The following CADM2 variants were observed in gnomAD, a reference collection of about 807,000 sequenced individuals.
CADM2 encodes the protein cell adhesion molecule 2, also known as immunoglobulin superfamily member 4D.
Under a neutral mutation model 49.8 loss-of-function variants are expected in CADM2, and 12 were observed. The observed-to-expected ratio is 0.24, with a 90% CI of 0.15 to 0.39. The LOEUF (loss-of-function observed/expected upper bound fraction) is 0.39, where lower values mean the gene tolerates loss of function less well. Ranked by LOEUF, CADM2 falls within the 10% of genes least tolerant of loss-of-function variation. The pLI is 1.00. For synonymous variants in CADM2, 214 were observed against 175.4 expected (o/e 1.22, Z -1.74); for missense variants, 378 against 492.3 (o/e 0.77, Z 2.20).
intron 1 of CADM2, among the ~76,000 whole-genome samples, chr3:85,264,910 G>C (rs1057142235): frequency 6.6e-6 from 1 of 152,014 alleles, no homozygotes; most frequent in Non-Finnish European, 1.5e-5. Flanking sequence ...GCCAATACCA[G>C]TTGTTTCTAG....
At chr3:85,469,600 C>A (rs950791359) in intron 1 of CADM2, among the ~76,000 whole-genome samples, 2 of 152,088 alleles carry the variant, frequency 1.3e-5, no homozygotes, top group African/African-American at 4.8e-5. Context: ...GGGAGAAATA[C>A]AATTTAAGTT....
intron 1 of CADM2, among the ~76,000 whole-genome samples, chr3:85,280,573 C>T (rs745829365): frequency 3.3e-5 from 5 of 151,626 alleles, no homozygotes; most frequent in Non-Finnish European, 5.9e-5. Context: ...TTTCCTGGAT[C>T]CGGTTATCCA....
intron 1 of CADM2, among the ~76,000 whole-genome samples, chr3:84,966,917 T>TA (rs1243965291): frequency 6.6e-6 from 1 of 151,896 alleles, no homozygotes; most frequent in East Asian, 1.9e-4. Flanking sequence ...AAAATAAAAA[T>TA]AAGCATACTT....
intron 1 of CADM2, among the ~76,000 whole-genome samples, chr3:85,057,540 G>T (rs1001044774): frequency 6.6e-6 from 1 of 151,972 alleles, no homozygotes; most frequent in Non-Finnish European, 1.5e-5. Context: ...TTTAAATATA[G>T]AATCTGTTTT....
intron 7 of CADM2, among the ~76,000 whole-genome samples, chr3:85,954,202 G>A (rs1225226917): frequency 5.3e-5 from 8 of 150,744 alleles, no homozygotes; most frequent in Admixed American, 1.3e-4. Flanking sequence ...GAGAAAACAC[G>A]GGTTGAGGTA....
chr3:85,321,445 A>G (rs1576346073), intron 1 of CADM2, among the ~76,000 whole-genome samples: 1 of 151,788 alleles, frequency 6.6e-6, no homozygotes, highest in South Asian at 2.1e-4. Context: ...TCATCCTCCC[A>G]AAGTGCTGGG....
intron 1 of CADM2, among the ~76,000 whole-genome samples, chr3:85,250,167 A>G (rs1443914265): frequency 6.6e-6 from 1 of 151,638 alleles, no homozygotes; most frequent in African/African-American, 2.4e-5. Flanking sequence ...GCCATTCTTA[A>G]ACAATTTGCT....
chr3:85,624,309 C>T (rs1206268669), intron 1 of CADM2, among the ~76,000 whole-genome samples: 2 of 151,988 alleles, frequency 1.3e-5, no homozygotes, highest in Non-Finnish European at 2.9e-5. Flanking sequence ...GTTTTGGCTC[C>T]ACTCAAAATG....
intron 1 of CADM2, among the ~76,000 whole-genome samples, chr3:85,441,066 T>G (rs568338252): frequency 6.6e-6 from 1 of 152,104 alleles, no homozygotes; most frequent in East Asian, 1.9e-4. Flanking sequence ...TTAGATTTTT[T>G]AAATATACAT....
intron 1 of CADM2, among the ~76,000 whole-genome samples, chr3:85,197,695 C>T (rs192236252): frequency 4.7e-4 from 71 of 152,038 alleles, no homozygotes; most frequent in Non-Finnish European, 8.4e-4. Flanking sequence ...CAATGTAAAT[C>T]GCACAAGTCA....
intron 1 of CADM2, among the ~76,000 whole-genome samples, chr3:85,189,569 C>T (rs984298509): frequency 6.6e-6 from 1 of 152,140 alleles, no homozygotes; most frequent in African/African-American, 2.4e-5. Flanking sequence ...CATTACTTTG[C>T]CTGTCCTCCA....
At chr3:85,619,421 T>A (rs2063904755) in intron 1 of CADM2, among the ~76,000 whole-genome samples, 1 of 152,230 alleles carries the variant, frequency 6.6e-6, no homozygotes, top group Admixed American at 6.5e-5. Flanking sequence ...TTATTTCTAA[T>A]CAACTGTAGT....
intron 1 of CADM2, among the ~76,000 whole-genome samples, chr3:85,119,425 T>A (rs1469119880): frequency 6.6e-6 from 1 of 152,200 alleles, no homozygotes; most frequent in Non-Finnish European, 1.5e-5. Context: ...TAAAGTCAGG[T>A]AGTGTGATGC....
At chr3:85,001,253 A>G (rs2033446669) in intron 1 of CADM2, among the ~76,000 whole-genome samples, 1 of 151,652 alleles carries the variant, frequency 6.6e-6, no homozygotes, top group South Asian at 2.1e-4. Context: ...CATATTTTTG[A>G]AATTTTTTAG....
At chr3:85,870,197 A>T (rs186218216) in intron 3 of CADM2, among the ~76,000 whole-genome samples, 25 of 151,952 alleles carry the variant, frequency 1.6e-4, no homozygotes, top group African/African-American at 2.2e-4. Context: ...ATAGACAAAG[A>T]TTCATTTAGC....
rs775721121 is a variant in CADM2, at chr3:85,327,591, A to AC, written c.61+367924dup. On this transcript the variant is annotated intron_variant, in intron 1 of 9. Transcript: ENST00000383699. ...ACACACACACACACACACACACACCACACACACACACACATAAACTATATG... is the reference window on the plus strand; with the variant it reads ...ACACACACACACACACACACACACCACCACACACACACACATAAACTATATG... 8.7e-3 allele frequency among the ~76,000 whole-genome samples: 1,105 copies of AC among 127,196 alleles called. 6 individuals are homozygous for AC. Among genetic ancestry groups the AC allele is most frequent in the East Asian group, 0.024 (112 of 4,694 alleles). 83.4% of individuals were successfully genotyped at this position (127,196 alleles called of 152,430 possible). A position where few individuals can be genotyped will look rare whatever the true frequency, so the allele number is the denominator to read the frequency against.
chr3:85,049,820 T>G (rs1007678621), intron 1 of CADM2, among the ~76,000 whole-genome samples: 1 of 152,174 alleles, frequency 6.6e-6, no homozygotes. Flanking sequence ...GAAAGTTAGA[T>G]AGATAATTAA....
intron 1 of CADM2, among the ~76,000 whole-genome samples, chr3:85,183,706 A>G (rs923393684): frequency 6.6e-6 from 1 of 152,174 alleles, no homozygotes; most frequent in Admixed American, 6.6e-5. Flanking sequence ...GAAAGGAACA[A>G]TACTGACCTA....
intron 1 of CADM2, among the ~76,000 whole-genome samples, chr3:85,636,652 C>T (rs1260994204): frequency 6.6e-6 from 1 of 152,194 alleles, no homozygotes; most frequent in African/African-American, 2.4e-5. Context: ...AGAGCAACAT[C>T]CTGTCCTGAA....
Sources: gnomAD v4.1 joint callset for allele counts (sites outside exome capture counted in the v4.1 genomes callset) on GRCh38, gnomAD v4.1.1 for gene constraint, MANE v1.5 for transcripts, NCBI Gene and HGNC (gene_info 2026-07-23, HGNC 2026-07-21) for gene names.